Variants in NELL2 observed in about 807,000 individuals in gnomAD.
NELL2 encodes neural EGFL like 2.
Under a neutral mutation model 109.6 loss-of-function variants are expected in NELL2, and 41 were observed. That is an observed-to-expected ratio of 0.37 (90% confidence interval 0.29 to 0.49). The LOEUF (loss-of-function observed/expected upper bound fraction) is 0.49. Among genes scored for constraint, NELL2 ranks in the 20% least tolerant of loss-of-function variants. NELL2 has a pLI of 0.98. For missense variants in NELL2, 900 were observed against 1,008.3 expected (o/e 0.89, Z 1.45); for synonymous variants, 355 against 344.7 (o/e 1.03, Z -0.33).
chr12:44,871,451 G>A, intron 2 of NELL2, among the ~76,000 whole-genome samples: 1 of 152,146 alleles, frequency 6.6e-6, no homozygotes, highest in East Asian at 1.9e-4. Context: ...TCGCTTAATT[G>A]TCATAACAAT....
chr12:44,653,958 C>A (rs1947394937), intron 13 of NELL2, among the ~76,000 whole-genome samples: 1 of 152,176 alleles, frequency 6.6e-6, no homozygotes. Context: ...CAACAACCTA[C>A]TCTTCCTGCT....
chr12:44,692,068 A>G (rs1756380861), intron 12 of NELL2, among the ~76,000 whole-genome samples: 1 of 152,202 alleles, frequency 6.6e-6, no homozygotes, highest in South Asian at 2.1e-4. Context: ...TTAGAAGAAA[A>G]TGCCATATAG....
chr12:44,897,590 G>T (rs1945608862), intron 1 of NELL2, among the ~76,000 whole-genome samples: 1 of 152,230 alleles, frequency 6.6e-6, no homozygotes, highest in Non-Finnish European at 1.5e-5. Flanking sequence ...GTCCAGCCCA[G>T]ATACTCTGCT....
At position 44,816,073 on chromosome 12, in the gene NELL2, T is replaced by C. The variant is rs1221968465; in HGVS notation, c.248A>G (p.Asn83Ser). The C allele has an allele frequency of 6.8e-6, 11 of 1,613,696 alleles. No individual in the cohort carries two copies. Among genetic ancestry groups the C allele is most frequent in the African/African-American group, 4.0e-5 (3 of 74,924 alleles). ...TAEQFFQKLR[N>S]KHEFTILVTL... ...CACCAAAATAGTAAATTCATGTTTA[T>C]TTCTCAGCTTCTGAAAAAACTGTTC... Residue 83 changes from asparagine to serine, a missense_variant, in exon 3 of 20, where the codon AAT becomes AGT. Coordinates refer to ENST00000429094, the MANE Select transcript of NELL2 (RefSeq NM_001145108.2).
chr12:44,672,513 A>C (rs1372707285), intron 12 of NELL2, among the ~76,000 whole-genome samples: 2 of 152,216 alleles, frequency 1.3e-5, no homozygotes, highest in Non-Finnish European at 2.9e-5. Flanking sequence ...CCCTGGAGGC[A>C]AAAAGACTGG....
At chr12:44,743,655 C>A (rs1303640539) in intron 9 of NELL2, among the ~76,000 whole-genome samples, 1 of 152,174 alleles carries the variant, frequency 6.6e-6, no homozygotes, top group Non-Finnish European at 1.5e-5. Flanking sequence ...CAATCCTAGT[C>A]TCTGATAAAA....
chr12:44,571,585 C>T (rs377262362), intron 15 of NELL2, among the ~76,000 whole-genome samples: 32 of 152,316 alleles, frequency 2.1e-4, no homozygotes, highest in African/African-American at 7.2e-4. Flanking sequence ...CTTGCCACAT[C>T]GTAGGCATCC....
intron 12 of NELL2, among the ~76,000 whole-genome samples, chr12:44,677,558 G>A (rs1395096053): frequency 2.0e-5 from 3 of 152,078 alleles, no homozygotes. Flanking sequence ...GACATGAGAT[G>A]TTATTATTGC....
At chr12:44,823,123 T>C (rs1943597507) in intron 2 of NELL2, among the ~76,000 whole-genome samples, 1 of 152,208 alleles carries the variant, frequency 6.6e-6, no homozygotes, top group Admixed American at 6.5e-5. Context: ...TAATGGGATA[T>C]AATTGACAAA....
chr12:44,772,168 C>T (rs1275875748), intron 9 of NELL2, among the ~76,000 whole-genome samples: 1 of 152,132 alleles, frequency 6.6e-6, no homozygotes, highest in African/African-American at 2.4e-5. Context: ...TAGGAATTTA[C>T]TTCTACTCCA....
chr12:44,842,180 T>A (rs539081412), intron 2 of NELL2, among the ~76,000 whole-genome samples: 17 of 145,962 alleles, frequency 1.2e-4, no homozygotes, highest in African/African-American at 4.3e-4. Flanking sequence ...AAGAAGGAAG[T>A]AAGGGAAGTT....
chr12:44,918,512 CAT>C (rs755397051), upstream of NELL2, among the ~76,000 whole-genome samples: 14 of 113,384 alleles, frequency 1.2e-4, no homozygotes, highest in East Asian at 3.2e-4. Flanking sequence ...TTCATGCATG[CAT>C]GTATGTGTGT....
intron 3 of NELL2, among the ~76,000 whole-genome samples, chr12:44,807,355 ACG>A (rs1491407799): frequency 7.0e-6 from 1 of 143,774 alleles, no homozygotes; most frequent in African/African-American, 2.5e-5. Flanking sequence ...ACACACACAC[ACG>A]CATGCATGCA....
chr12:44,554,697 G>T (rs1226807680), intron 15 of NELL2, among the ~76,000 whole-genome samples: 1 of 152,190 alleles, frequency 6.6e-6, no homozygotes, highest in African/African-American at 2.4e-5. Context: ...ACAATGGTCA[G>T]AAATTGGTCT....
At chr12:44,620,444 T>C (rs1592219746) in intron 13 of NELL2, among the ~76,000 whole-genome samples, 1 of 152,136 alleles carries the variant, frequency 6.6e-6, no homozygotes, top group African/African-American at 2.4e-5. Context: ...ATGCTGAATA[T>C]TCAAGGTATT....
chr12:44,841,113 G>A (rs1165930669), intron 2 of NELL2, among the ~76,000 whole-genome samples: 3 of 152,096 alleles, frequency 2.0e-5, no homozygotes, highest in African/African-American at 4.8e-5. Flanking sequence ...TTGTACACTC[G>A]GCAATATCTC....
intron 1 of NELL2, among the ~76,000 whole-genome samples, chr12:44,898,013 G>C (rs1352532001): frequency 2.0e-5 from 3 of 152,122 alleles, no homozygotes; most frequent in Admixed American, 2.0e-4. Context: ...CTTCAGACTG[G>C]GTAAAGCCCA....
At chr12:44,576,777 T>G (rs1322383163) in intron 15 of NELL2, among the ~76,000 whole-genome samples, 1 of 151,950 alleles carries the variant, frequency 6.6e-6, no homozygotes, top group African/African-American at 2.4e-5. Flanking sequence ...TTCCCACCTG[T>G]GAGTGAGAAT....
At chr12:44,518,766 C>T (rs1355524097) in intron 19 of NELL2, among the ~76,000 whole-genome samples, 1 of 152,022 alleles carries the variant, frequency 6.6e-6, no homozygotes, top group Non-Finnish European at 1.5e-5. Flanking sequence ...AAAGTATTTC[C>T]CTGTTAGTCA....
Sources: allele counts gnomAD v4.1 joint callset (sites outside exome capture counted in the v4.1 genomes callset), GRCh38; gene constraint gnomAD v4.1.1; transcripts MANE v1.5; gene names NCBI Gene and HGNC (gene_info 2026-07-23, HGNC 2026-07-21).